The following C3orf33 variants were observed in gnomAD, a reference collection of about 807,000 sequenced individuals.
The protein encoded by C3orf33 is AP-1 activity suppressor.
A neutral mutation model predicts 28.7 loss-of-function variants in C3orf33; 23 were observed. The ratio of observed to expected loss-of-function variants is 0.80; its 90% CI spans 0.58 to 1.13. C3orf33 has a LOEUF of 1.13. C3orf33 is among the 50% of genes most tolerant of loss of function. C3orf33 has a pLI of 0.00. For synonymous variants in C3orf33, 119 were observed against 120.5 expected (o/e 0.99, Z 0.08); for missense variants, 327 against 353.4 (o/e 0.93, Z 0.60).
At chr3:155,804,978 T>C (rs943250979) in intron 1 of C3orf33, among the ~76,000 whole-genome samples, 11 of 152,122 alleles carry the variant, frequency 7.2e-5, no homozygotes, top group African/African-American at 2.2e-4. Context: ...AATAAATCAT[T>C]TATTCCAACT....
chr3:155,763,165 A>T lies in C3orf33; in HGVS notation c.*352T>A, dbSNP rs6782387. ...GCAACAAGAGCGAAACGCCTTCTCA[A>T]AACAAACAAACAAAAAATTCAATAT... On this transcript the variant is annotated 3_prime_UTR_variant, in exon 5 of 5. Transcript: ENST00000340171. 14,585 of 158,072 alleles carry T rather than the reference A, an allele frequency of 0.092. 931 individuals are homozygous for T. Among genetic ancestry groups the T allele is most frequent in the Middle Eastern group, 0.15 (47 of 324 alleles). The allele number at this position is 158,072 out of a possible 1,614,324, so 9.8% of individuals were successfully genotyped here.
At chr3:155,770,113 G>A (rs576049102) in intron 3 of C3orf33, among the ~76,000 whole-genome samples, 3 of 152,258 alleles carry the variant, frequency 2.0e-5, no homozygotes, top group Admixed American at 6.5e-5. Context: ...CAGGTGGCGG[G>A]GGTTGGGTTG....
chr3:155,765,558 G>GT (rs1051100807), intron 4 of C3orf33, among the ~76,000 whole-genome samples: 2 of 151,338 alleles, frequency 1.3e-5, no homozygotes, highest in African/African-American at 4.9e-5. Flanking sequence ...GTTTTGTTTT[G>GT]TTTTTTTGAA....
chr3:155,769,419 C>G (rs1320884018), intron 3 of C3orf33, among the ~76,000 whole-genome samples: 1 of 142,076 alleles, frequency 7.0e-6, no homozygotes, highest in African/African-American at 2.7e-5. Flanking sequence ...ATCTAGGAGG[C>G]AGAAGCTGAA....
At chr3:155,771,483 T>A (rs560487449) in intron 3 of C3orf33, among the ~76,000 whole-genome samples, 3 of 152,112 alleles carry the variant, frequency 2.0e-5, no homozygotes, top group Non-Finnish European at 4.4e-5. Context: ...GGTTTCACCA[T>A]GTAGGCCAGG....
At chr3:155,779,692 A>G (rs542097433) in intron 2 of C3orf33, among the ~76,000 whole-genome samples, 1 of 152,302 alleles carries the variant, frequency 6.6e-6, no homozygotes, top group East Asian at 1.9e-4. Flanking sequence ...CACCCAGGAG[A>G]ACTGACAGTA....
intron 2 of C3orf33, among the ~76,000 whole-genome samples, chr3:155,801,500 G>T (rs1751648152): frequency 6.6e-6 from 1 of 151,928 alleles, no homozygotes; most frequent in African/African-American, 2.4e-5. Context: ...GAACAGAAAA[G>T]CAAAATGTGA....
At chr3:155,800,610 C>CAAAA (rs58092818) in intron 2 of C3orf33, among the ~76,000 whole-genome samples, 158 of 15,630 alleles carry the variant, frequency 0.01, 29 homozygotes, top group African/African-American at 0.025. Flanking sequence ...ACCTTATCTC[C>CAAAA]AAAAAAAAAA....
At chr3:155,804,289 TC>T in intron 1 of C3orf33, 1 of 305,552 alleles carries the variant, frequency 3.3e-6, no homozygotes, top group Non-Finnish European at 6.4e-6. Flanking sequence ...CACAACTTCC[TC>T]CCATAATCCT....
chr3:155,802,651 C>G (rs751321030), intron 1 of C3orf33, 60 bp from the exon 2 acceptor site: 5 of 1,280,832 alleles, frequency 3.9e-6, no homozygotes, highest in Non-Finnish European at 5.5e-6. Context: ...AATGAAAGCA[C>G]TAATTAGAAG....
chr3:155,793,823 AAAAACT>A lies in C3orf33; in HGVS notation c.174+8703_174+8708del, dbSNP rs1365419490. 3.4e-4 allele frequency among the ~76,000 whole-genome samples: 36 copies of A among 104,564 alleles called. 1 individual carries two copies. Among genetic ancestry groups the A allele is most frequent in the African/African-American group, 1.0e-3 (28 of 27,384 alleles). The allele number at this position is 104,564 out of a possible 152,430, so 68.6% of individuals were successfully genotyped here. A position where few individuals can be genotyped will look rare whatever the true frequency, so the allele number is the denominator to read the frequency against. Reference sequence around the variant, plus strand: ...AGACTCTGACTCAAAAAAAAAAAAAAAAAACTAAAAAAACTAAAAAAACTAAAACAG... The same window carrying A: ...AGACTCTGACTCAAAAAAAAAAAAAAAAAAAAACTAAAAAAACTAAAACAG... On this transcript the variant is annotated intron_variant, in intron 2 of 4. Coordinates refer to ENST00000340171, the MANE Select transcript of C3orf33 (RefSeq NM_001308229.2).
chr3:155,779,922 T>C (rs1750867016), intron 2 of C3orf33, among the ~76,000 whole-genome samples: 1 of 152,150 alleles, frequency 6.6e-6, no homozygotes. Flanking sequence ...GCTCACAGTG[T>C]ATGTGAGAAA....
chr3:155,803,714 C>T (rs1482094224), intron 1 of C3orf33, among the ~76,000 whole-genome samples: 2 of 150,858 alleles, frequency 1.3e-5, no homozygotes, highest in African/African-American at 4.9e-5. Flanking sequence ...AACCTCGTCT[C>T]TACTAAAAAT....
At chr3:155,766,120 G>A (rs753973233) in intron 4 of C3orf33, among the ~76,000 whole-genome samples, 1 of 152,108 alleles carries the variant, frequency 6.6e-6, no homozygotes, top group Non-Finnish European at 1.5e-5. Flanking sequence ...TCTCGACTGC[G>A]TAGGCTGAAG....
At chr3:155,800,814 A>G (rs1233447496) in intron 2 of C3orf33, among the ~76,000 whole-genome samples, 4 of 151,996 alleles carry the variant, frequency 2.6e-5, no homozygotes, top group Non-Finnish European at 5.9e-5. Context: ...AGGGCCAATA[A>G]CCACATGAAA....
chr3:155,780,154 C>A (rs2109262440), intron 2 of C3orf33, among the ~76,000 whole-genome samples: 1 of 152,312 alleles, frequency 6.6e-6, no homozygotes, highest in East Asian at 1.9e-4. Context: ...AGGAGGCTGT[C>A]TTTACAGGAA....
chr3:155,794,408 A>G lies in C3orf33; in HGVS notation c.174+8124T>C, dbSNP rs2109276556. Among the ~76,000 whole-genome samples the G allele has an allele frequency of 1.3e-5, 2 of 152,324 alleles. 1 individual carries two copies. The highest frequency in any genetic ancestry group is 4.1e-4 in the South Asian group (2 of 4,828). On this transcript the variant is annotated intron_variant, in intron 2 of 4. Coordinates refer to ENST00000340171, the MANE Select transcript of C3orf33 (RefSeq NM_001308229.2). ...TGATATACAAAAAATAAAAAGCAAA[A>G]AACTGAAACATCACAAGAGAAAATC... is the stretch of plus-strand genomic sequence containing the variant.
At chr3:155,805,167 A>T (rs1751772672) in intron 1 of C3orf33, among the ~76,000 whole-genome samples, 1 of 18,836 alleles carries the variant, frequency 5.3e-5, no homozygotes, top group African/African-American at 1.5e-4. Context: ...TTAAAAAAAA[A>T]AAAAAAAAAA....
At chr3:155,790,386 T>C (rs1310330565) in intron 2 of C3orf33, among the ~76,000 whole-genome samples, 1 of 151,860 alleles carries the variant, frequency 6.6e-6, no homozygotes, top group African/African-American at 2.4e-5. Context: ...ATTTCTTAGA[T>C]GTGACACCAA....
Sources: allele counts gnomAD v4.1 joint callset (sites outside exome capture counted in the v4.1 genomes callset), GRCh38; gene constraint gnomAD v4.1.1; transcripts MANE v1.5; gene names NCBI Gene and HGNC (gene_info 2026-07-23, HGNC 2026-07-21).